Variants in TMEM117 observed in about 807,000 individuals in gnomAD.
The protein encoded by TMEM117 is transmembrane protein 117.
TMEM117 carries 27 observed loss-of-function variants against 52.4 expected under a neutral mutation model. That is an observed-to-expected ratio of 0.51 (90% CI 0.38 to 0.71). TMEM117 has a LOEUF of 0.71. Ranked by LOEUF, TMEM117 falls within the 30% of genes least tolerant of loss-of-function variation. The pLI, the probability that TMEM117 is intolerant of heterozygous loss-of-function variation, is 0.00. For missense variants in TMEM117, 556 were observed against 630.5 expected, an observed-to-expected ratio of 0.88 and a Z score of 1.26; for synonymous variants, 215 against 206.3, an observed-to-expected ratio of 1.04 and a Z score of -0.36.
At chr12:44,214,127 T>A (rs966718973) in intron 5 of TMEM117, among the ~76,000 whole-genome samples, 21 of 117,044 alleles carry the variant, frequency 1.8e-4, no homozygotes, top group African/African-American at 7.6e-4. Flanking sequence ...GTCTTACAAA[T>A]TTTTTTTTTA....
chr12:44,168,645 T>C (rs1051952613), intron 4 of TMEM117, among the ~76,000 whole-genome samples: 2 of 152,202 alleles, frequency 1.3e-5, no homozygotes, highest in Admixed American at 6.5e-5. Flanking sequence ...GTTATTTTCT[T>C]GATAAAAGTT....
At chr12:43,987,004 A>G (rs1385030193) in intron 3 of TMEM117, among the ~76,000 whole-genome samples, 2 of 152,062 alleles carry the variant, frequency 1.3e-5, no homozygotes, top group Non-Finnish European at 2.9e-5. Context: ...CCATCTCCCA[A>G]ATTCTTTCGT....
intron 4 of TMEM117, among the ~76,000 whole-genome samples, chr12:44,205,066 A>G (rs950661135): frequency 1.3e-5 from 2 of 152,202 alleles, no homozygotes; most frequent in Non-Finnish European, 2.9e-5. Flanking sequence ...CATAAACTAA[A>G]GAGCTTCTGC....
At chr12:43,898,708 GTACAA>G (rs1372174225) in intron 2 of TMEM117, among the ~76,000 whole-genome samples, 1 of 152,126 alleles carries the variant, frequency 6.6e-6, no homozygotes, top group African/African-American at 2.4e-5. Flanking sequence ...ACTTCACAAT[GTACAA>G]CACAGTAGTT....
intron 3 of TMEM117, among the ~76,000 whole-genome samples, chr12:43,980,462 T>C (rs536510843): frequency 2.0e-5 from 3 of 152,196 alleles, no homozygotes; most frequent in Non-Finnish European, 4.4e-5. Context: ...ATTGAGCCTA[T>C]GAAACTGAGG....
chr12:43,982,678 G>GA (rs1424107224), intron 3 of TMEM117, among the ~76,000 whole-genome samples: 1 of 152,008 alleles, frequency 6.6e-6, no homozygotes, highest in Non-Finnish European at 1.5e-5. Flanking sequence ...TCCCTTTCAG[G>GA]AAAAATCACA....
intron 3 of TMEM117, among the ~76,000 whole-genome samples, chr12:44,135,081 AG>A (rs1223929006): frequency 6.6e-6 from 1 of 152,146 alleles, no homozygotes; most frequent in Non-Finnish European, 1.5e-5. Flanking sequence ...TGCAGATTAC[AG>A]GGGATAAAAC....
At position 44,388,553 on chromosome 12, in the gene TMEM117, A is replaced by G. The variant is rs1377588897; in HGVS notation, c.1426A>G (p.Ile476Val). 2.0e-5 allele frequency: 33 copies of G among 1,613,448 alleles called. No homozygotes were observed. Among genetic ancestry groups the G allele is most frequent in the Non-Finnish European group, 2.6e-5 (31 of 1,179,618 alleles). Reference sequence around the variant, plus strand: ...TTGCATCAGGTCTGACTTCAATGAGATCGTCTACAAGTCTTCCCACCTAAC... The same window carrying G: ...TTGCATCAGGTCTGACTTCAATGAGGTCGTCTACAAGTCTTCCCACCTAAC... ...LVCIRSDFNE[I>V]VYKSSHLTSE... The change falls in exon 8 of 8, where the codon ATC becomes GTC. Residue 476 changes from isoleucine to valine, a missense_variant. Ile to Val is a conservative substitution (Grantham distance 29). Coordinates refer to ENST00000266534, the MANE Select transcript of TMEM117 (RefSeq NM_032256.3).
intron 5 of TMEM117, among the ~76,000 whole-genome samples, chr12:44,241,342 A>G (rs2138481836): frequency 6.6e-6 from 1 of 152,048 alleles, no homozygotes; most frequent in Middle Eastern, 3.4e-3. Context: ...CACTTTTACC[A>G]AAACAGTATA....
chr12:43,835,813 C>T (rs1407484147), upstream of TMEM117, among the ~76,000 whole-genome samples: 2 of 151,880 alleles, frequency 1.3e-5, no homozygotes, highest in Admixed American at 6.5e-5. Context: ...CGCACGCGGC[C>T]CGCGGGCTGG....
intron 2 of TMEM117, among the ~76,000 whole-genome samples, chr12:43,935,048 C>T (rs922905888): frequency 6.6e-6 from 1 of 152,024 alleles, no homozygotes; most frequent in Non-Finnish European, 1.5e-5. Flanking sequence ...CACTCTGTCA[C>T]CCGGGCTGGA....
the TMEM117 span, chr12:43,802,159 G>A: frequency 1.8e-6 from 1 of 564,182 alleles, no homozygotes; most frequent in South Asian, 4.4e-5. Context: ...TCAATCCAAG[G>A]ATTTTCCTCA....
At chr12:43,805,502 T>C in the TMEM117 span, 1 of 455,594 alleles carries the variant, frequency 2.2e-6, no homozygotes, top group Non-Finnish European at 4.4e-6. Context: ...ATATATTATT[T>C]GACTCTTGAT....
the TMEM117 span, chr12:43,799,331 T>C: frequency 3.9e-6 from 4 of 1,030,382 alleles, no homozygotes; most frequent in African/African-American, 6.5e-5. Context: ...CTCCCACATC[T>C]ATTAATTAAA....
chr12:44,191,357 ATCTG>A (rs200809736), intron 4 of TMEM117, among the ~76,000 whole-genome samples: 4,088 of 148,526 alleles, frequency 0.028, 78 homozygotes, highest in South Asian at 0.05. Flanking sequence ...CTATCTATCT[ATCTG>A]TCTGTCTGTC....
the TMEM117 span, among the ~76,000 whole-genome samples, chr12:44,397,226 C>T: frequency 2.6e-5 from 4 of 152,156 alleles, no homozygotes; most frequent in East Asian, 3.9e-4. Flanking sequence ...AACAAGAGTG[C>T]AATATCCTCA....
intron 4 of TMEM117, among the ~76,000 whole-genome samples, chr12:44,167,920 TTA>T (rs747807284): frequency 2.6e-5 from 4 of 152,246 alleles, no homozygotes; most frequent in Non-Finnish European, 5.9e-5. Flanking sequence ...TATAGTTCTG[TTA>T]CTTCCTAAGT....
intron 3 of TMEM117, among the ~76,000 whole-genome samples, chr12:44,063,423 A>G (rs55657021): frequency 0.071 from 10,766 of 151,974 alleles, 489 homozygotes; most frequent in African/African-American, 0.12. Context: ...GAAAGTTCCT[A>G]TGTGGTTAAA....
chr12:44,137,189 T>C (rs1948503323), intron 3 of TMEM117, among the ~76,000 whole-genome samples: 1 of 151,698 alleles, frequency 6.6e-6, no homozygotes, highest in Non-Finnish European at 1.5e-5. Flanking sequence ...TAAAATACTC[T>C]GGGAAAATGA....
Sources: gnomAD v4.1 joint callset for allele counts (sites outside exome capture counted in the v4.1 genomes callset) on GRCh38, gnomAD v4.1.1 for gene constraint, MANE v1.5 for transcripts, NCBI Gene and HGNC (gene_info 2026-07-23, HGNC 2026-07-21) for gene names.